Variants in NOVA2 observed in about 807,000 individuals in gnomAD.
The protein encoded by NOVA2 is RNA-binding protein Nova-2.
A neutral mutation model predicts 22.5 loss-of-function variants in NOVA2; 9 were observed. The ratio of observed to expected loss-of-function variants is 0.40; its 90% confidence interval spans 0.24 to 0.70. NOVA2 has a LOEUF of 0.70. Among genes scored for constraint, NOVA2 ranks in the 30% least tolerant of loss-of-function variants. The pLI, the probability that NOVA2 is intolerant of heterozygous loss-of-function variation, is 0.38. For synonymous variants in NOVA2, 318 were observed against 335.2 expected (o/e 0.95, Z 0.56); for missense variants, 383 against 682.8 (o/e 0.56, Z 4.89).
intron 1 of NOVA2, among the ~76,000 whole-genome samples, chr19:45,965,003 T>TA (rs1265287851): frequency 6.6e-6 from 1 of 152,098 alleles, no homozygotes; most frequent in Non-Finnish European, 1.5e-5. Flanking sequence ...GCAATCCTCT[T>TA]AAACTTGCTT....
chr19:45,943,082 CT>C (rs1967784521), intron 3 of NOVA2, among the ~76,000 whole-genome samples: 1 of 144,674 alleles, frequency 6.9e-6, no homozygotes, highest in Non-Finnish European at 1.5e-5. Flanking sequence ...GAGACGGAGT[CT>C]CACTGTGTCA....
intron 3 of NOVA2, among the ~76,000 whole-genome samples, chr19:45,946,943 T>G (rs887662560): frequency 6.6e-6 from 1 of 151,560 alleles, no homozygotes; most frequent in African/African-American, 2.4e-5. Context: ...TGCATGCACA[T>G]GTGTTCATGC....
At chr19:45,959,072 C>T (rs1968056574) in intron 2 of NOVA2, among the ~76,000 whole-genome samples, 1 of 152,234 alleles carries the variant, frequency 6.6e-6, no homozygotes, top group South Asian at 2.1e-4. Flanking sequence ...CTGTCTGGCA[C>T]CGGGCTGGCA....
chr19:45,973,281 C>T lies in NOVA2; in HGVS notation c.71G>A (p.Arg24His). ...ETPPEVVCTK[R>H]SNTGEEGEYF... ...CCCTTTCTCACCTCCCGTGTTGCTG[C>T]GCTTGGTGCAGACCACCTCGGGGGG... Residue 24 changes from arginine to histidine, a missense_variant, in exon 1 of 4, where the codon CGC becomes CAC. Physicochemically the swap from Arg to His is conservative, Grantham distance 29. Transcript: ENST00000263257. 1 of 1,466,764 alleles carries T rather than the reference C, an allele frequency of 6.8e-7. No homozygotes were observed. Among genetic ancestry groups the T allele is most frequent in the Non-Finnish European group, 9.0e-7 (1 of 1,105,160 alleles). 90.9% of individuals were successfully genotyped at this position (1,466,764 alleles called of 1,614,324 possible). A position where few individuals can be genotyped will look rare whatever the true frequency, so the allele number is the denominator to read the frequency against.
At chr19:45,961,282 C>T (rs990406348) in intron 1 of NOVA2, 129 bp from the exon 2 acceptor site, 19 of 619,004 alleles carry the variant, frequency 3.1e-5, no homozygotes, top group Non-Finnish European at 5.0e-5. Context: ...GATCTTCATT[C>T]ACTCATTCAT....
chr19:45,955,218 T>G (rs898240203), intron 2 of NOVA2, among the ~76,000 whole-genome samples: 4 of 152,156 alleles, frequency 2.6e-5, no homozygotes, highest in African/African-American at 7.2e-5. Context: ...CGTGTGTTTG[T>G]GAAAGTGAAA....
intron 2 of NOVA2, among the ~76,000 whole-genome samples, chr19:45,959,821 G>GGAGAGAGAGAGAGAGACAGAGAGGGAGA (rs1968068229): frequency 7.3e-6 from 1 of 136,650 alleles, no homozygotes; most frequent in Non-Finnish European, 1.6e-5. Context: ...AGACAGAGAG[G>GGAGAGAGAGAGAGAGACAGAGAGGGAGA]GAGAGAGAGA....
chr19:45,953,243 G>C lies in NOVA2; in HGVS notation c.396+537C>G, dbSNP rs992962906. ...TCCCCGTAACTGAGGCAACGGAGGG[G>C]CGCTGCCTTCCCCCTTCCATTCCTT... On this transcript the variant is annotated intron_variant, in intron 3 of 3. Transcript: ENST00000263257. 2.0e-5 allele frequency among the ~76,000 whole-genome samples: 3 copies of C among 152,336 alleles called. No homozygotes were observed. In the South Asian group the frequency reaches 6.2e-4, roughly 32 times the overall value.
chr19:45,941,741 A>AT (rs977294044), intron 3 of NOVA2, among the ~76,000 whole-genome samples: 44 of 152,172 alleles, frequency 2.9e-4, no homozygotes, highest in Non-Finnish European at 4.0e-4. Flanking sequence ...TAACATTAAA[A>AT]TTTTTTTTAA....
In NOVA2 at chr19:45,939,733, G is replaced by A. The variant is rs2146405552; in HGVS notation, c.*130C>T. On this transcript the variant is annotated 3_prime_UTR_variant, in exon 4 of 4. Transcript: ENST00000263257. The stretch of plus-strand genomic sequence containing the variant: ...ACTACCAGAAGGGGAGGGTGCAGTC[G>A]GGCCTACCCCAGCCCCATCCCAAGA... 1 of 1,198,432 alleles carries A rather than the reference G, an allele frequency of 8.3e-7. No individual in the cohort carries two copies. The highest frequency in any genetic ancestry group is 1.2e-6 in the Non-Finnish European group (1 of 859,792). The allele number at this position is 1,198,432 out of a possible 1,614,324, so 74.2% of individuals were successfully genotyped here.
chr19:45,971,729 G>C (rs1393037418), intron 1 of NOVA2, among the ~76,000 whole-genome samples: 2 of 152,114 alleles, frequency 1.3e-5, no homozygotes, highest in Non-Finnish European at 2.9e-5. Context: ...GGAGGAAAAG[G>C]CCAGAGGAAG....
intron 1 of NOVA2, among the ~76,000 whole-genome samples, chr19:45,972,302 A>G (rs1166902256): frequency 6.6e-6 from 1 of 151,826 alleles, no homozygotes; most frequent in African/African-American, 2.4e-5. Context: ...TGTCACACCC[A>G]GCCACAGCCT....
chr19:45,946,100 T>C (rs907186340), intron 3 of NOVA2, among the ~76,000 whole-genome samples: 3 of 151,346 alleles, frequency 2.0e-5, no homozygotes, highest in African/African-American at 7.3e-5. Flanking sequence ...AGCTCACAAG[T>C]TGTACAGCCT....
intron 1 of NOVA2, among the ~76,000 whole-genome samples, chr19:45,962,891 G>A (rs985412284): frequency 5.3e-5 from 8 of 152,034 alleles, no homozygotes; most frequent in African/African-American, 1.7e-4. Flanking sequence ...CAAGTGATCC[G>A]CCCACCTCGG....
chr19:45,969,066 C>T (rs896211672), intron 1 of NOVA2, among the ~76,000 whole-genome samples: 6 of 152,024 alleles, frequency 3.9e-5, no homozygotes, highest in Non-Finnish European at 7.4e-5. Context: ...GGCTGAGGTA[C>T]GAGAATTGCT....
intron 1 of NOVA2, among the ~76,000 whole-genome samples, chr19:45,971,906 C>T (rs1259019571): frequency 3.3e-5 from 5 of 152,010 alleles, no homozygotes. Flanking sequence ...GGCTTTTCTT[C>T]TCTGGTACAC....
chr19:45,948,290 T>C lies in NOVA2; in HGVS notation c.396+5490A>G, dbSNP rs1032643020. 1.8e-4 allele frequency among the ~76,000 whole-genome samples: 27 copies of C among 152,030 alleles called. No individual in the cohort carries two copies. The East Asian group carries it at 4.8e-3, about 27-fold the overall frequency. ...GTATGTGTGCAATTAATATAAGCCA[T>C]AGAAGCACTCAAGAAATGATTATTG... On this transcript the variant is annotated intron_variant, in intron 3 of 3. Transcript: ENST00000263257.
At chr19:45,958,785 C>T (rs1968052906) in intron 2 of NOVA2, among the ~76,000 whole-genome samples, 1 of 152,184 alleles carries the variant, frequency 6.6e-6, no homozygotes, top group Non-Finnish European at 1.5e-5. Context: ...TCAGCAGCCT[C>T]CGAGTATGCC....
In NOVA2 at chr19:45,940,450, G is replaced by C. The variant is rs760233830; in HGVS notation, c.892C>G (p.Leu298Val). The change falls in exon 4 of 4, where the codon CTG (leucine) becomes GTG (valine). Residue 298 changes from leucine (L) to valine (V), a missense_variant. Transcript: ENST00000263257. ...SYGYNTNSLG[L>V]GLNSAAASGV... ...GAAGCTGCGGCCGAGTTGAGGCCCA[G>C]GCCCAGGGAGTTGGTGTTGTAGCCG... 15 of 1,527,920 alleles carry C rather than the reference G, an allele frequency of 9.8e-6. No homozygotes were observed. Among genetic ancestry groups the C allele is most frequent in the Admixed American group, 9.6e-5 (5 of 52,138 alleles). 94.6% of individuals were successfully genotyped at this position (1,527,920 alleles called of 1,614,324 possible). A position where few individuals can be genotyped will look rare whatever the true frequency, so the allele number is the denominator to read the frequency against.
Sources: allele counts gnomAD v4.1 joint callset (sites outside exome capture counted in the v4.1 genomes callset), GRCh38; gene constraint gnomAD v4.1.1; transcripts MANE v1.5; gene names NCBI Gene and HGNC (gene_info 2026-07-23, HGNC 2026-07-21).